HMCN1: variants seen among roughly 807,000 people sequenced by gnomAD.
HMCN1 encodes the protein hemicentin-1.
Under a neutral mutation model 625.9 loss-of-function variants are expected in HMCN1, and 321 were observed. The ratio of observed to expected loss-of-function variants is 0.51; its 90% confidence interval spans 0.47 to 0.56. HMCN1 has a LOEUF of 0.56. Ranked by LOEUF, HMCN1 falls within the 20% of genes least tolerant of loss-of-function variation. The probability of loss-of-function intolerance (pLI) is 0.00; values close to 1 mark genes in which losing one functional copy is unlikely to be tolerated. For synonymous variants in HMCN1, 2,425 were observed against 2,417.6 expected, an observed-to-expected ratio of 1.00 and a Z score of -0.09; for missense variants, 6,588 against 6,887.3, an observed-to-expected ratio of 0.96 and a Z score of 1.54.
rs768400571 is a variant in HMCN1 at position 186,182,287 on chromosome 1, G to C, written c.16414G>C (p.Asp5472His). The change falls in exon 105 of 107, where the codon GAT becomes CAT. Residue 5472 changes from aspartate to histidine, a missense_variant and splice_region_variant. Around this residue, in one of 3 missense-constraint regions of HMCN1, gnomAD observed 1,954 missense variants for 2,013.1 expected, o/e 0.97. Coordinates refer to ENST00000271588, the MANE Select transcript of HMCN1 (RefSeq NM_031935.3). ...QLTHNGKTCQDIDECLEQNVH... is the reference protein window; with the variant it reads ...QLTHNGKTCQHIDECLEQNVH... ...CACACACAATGGAAAGACATGCCAA[G>C]GTGAGAAAACATTGGGATGTTTATT... The C allele has an allele frequency of 1.4e-5, 22 of 1,613,104 alleles. No homozygotes were observed. Among genetic ancestry groups the C allele is most frequent in the Non-Finnish European group, 1.8e-5 (21 of 1,179,356 alleles).
intron 11 of HMCN1, among the ~76,000 whole-genome samples, chr1:185,948,986 C>T (rs1353453948): frequency 8.6e-5 from 13 of 151,614 alleles, no homozygotes; most frequent in Admixed American, 3.9e-4. Flanking sequence ...GGCCTGGATA[C>T]GGTTTTGGAT....
chr1:186,015,299 A>T lies in HMCN1; in HGVS notation c.4771A>T (p.Ser1591Cys). The change falls in exon 31 of 107, where the codon AGC becomes TGC. Residue 1591 changes from serine (S) to cysteine (C), a missense_variant. By Grantham distance (112) the Ser-to-Cys change is moderately radical (BLOSUM62 -1). Transcript: ENST00000271588. ...TAAGGACGGGCAGCCAATCATGTCCAGCTCACAAGCACTTTATATTGATAA... is the reference window on the plus strand; with the variant it reads ...TAAGGACGGGCAGCCAATCATGTCCTGCTCACAAGCACTTTATATTGATAA... ...WYKDGQPIMSSSQALYIDKGQ... is the reference protein window; with the variant it reads ...WYKDGQPIMSCSQALYIDKGQ... The T allele has an allele frequency of 6.2e-7, 1 of 1,613,818 alleles. No individual in the cohort carries two copies. The highest frequency in any genetic ancestry group is 8.5e-7 in the Non-Finnish European group (1 of 1,179,810).
chr1:186,086,248 C>A lies in HMCN1; in HGVS notation c.8887C>A (p.Pro2963Thr), dbSNP rs963426838. The A allele has an allele frequency of 3.1e-6, 5 of 1,609,494 alleles. No individual in the cohort carries two copies. Among genetic ancestry groups the A allele is most frequent in the Non-Finnish European group, 3.4e-6 (4 of 1,176,242 alleles). ...TTTTAATATATTTACTATTATAGTT[C>A]CTCCAAGTGTCATTGGTCCTAAATC... ...KKYFNLNVHV[P>T]PSVIGPKSEN... Residue 2963 changes from proline (P) to threonine (T), a missense_variant and splice_region_variant, in exon 58 of 107, where the codon CCT becomes ACT. Coordinates refer to ENST00000271588, the MANE Select transcript of HMCN1 (RefSeq NM_031935.3).
intron 40 of HMCN1, among the ~76,000 whole-genome samples, chr1:186,041,345 C>G (rs1186809624): frequency 1.3e-5 from 2 of 152,070 alleles, no homozygotes; most frequent in Non-Finnish European, 1.5e-5. Flanking sequence ...GTAAAATGCA[C>G]ACATCCAGCA....
intron 97 of HMCN1, among the ~76,000 whole-genome samples, 157 bp from the exon 98 acceptor site, chr1:186,164,954 C>T (rs1158972810): frequency 6.6e-6 from 1 of 152,164 alleles, no homozygotes; most frequent in Non-Finnish European, 1.5e-5. Context: ...GGTTTAGAAA[C>T]AGGAAAAGTT....
At chr1:186,013,293 G>A (rs1434709563) in intron 30 of HMCN1, among the ~76,000 whole-genome samples, 1 of 151,998 alleles carries the variant, frequency 6.6e-6, no homozygotes, top group Non-Finnish European at 1.5e-5. Context: ...TTTGATTTTT[G>A]TCAACAATTA....
intron 6 of HMCN1, among the ~76,000 whole-genome samples, chr1:185,917,697 A>G (rs936846032): frequency 3.3e-5 from 5 of 152,196 alleles, no homozygotes; most frequent in South Asian, 2.1e-4. Flanking sequence ...GGTGATGAAT[A>G]TGAAATAGTT....
chr1:185,911,818 T>C lies in HMCN1; in HGVS notation c.900+38T>C, dbSNP rs1350881281. On this transcript the variant is annotated intron_variant, in intron 6 of 106. Coordinates refer to ENST00000271588, the MANE Select transcript of HMCN1 (RefSeq NM_031935.3). ...CACAAAGTTTGTTTATTGTTTTATT[T>C]TGAAGTTGGCATTTTTCATGAAGTA... 3 of 1,457,336 alleles carry C rather than the reference T, an allele frequency of 2.1e-6. No individual in the cohort carries two copies. The Admixed American group carries it at 5.0e-5, about 24-fold the overall frequency. 90.3% of individuals were successfully genotyped at this position (1,457,336 alleles called of 1,614,324 possible).
intron 18 of HMCN1, among the ~76,000 whole-genome samples, chr1:185,983,918 C>CT (rs1651831989): frequency 6.6e-6 from 1 of 152,046 alleles, no homozygotes; most frequent in African/African-American, 2.4e-5. Flanking sequence ...CTATATCTTT[C>CT]TTTTTTTAGC....
chr1:186,153,098 G>C (rs1414923574), intron 96 of HMCN1, among the ~76,000 whole-genome samples: 1 of 152,186 alleles, frequency 6.6e-6, no homozygotes, highest in African/African-American at 2.4e-5. Flanking sequence ...TCAAATACTT[G>C]ATGTAAGGCA....
intron 1 of HMCN1, among the ~76,000 whole-genome samples, chr1:185,792,688 G>A (rs1658086293): frequency 1.3e-5 from 2 of 152,242 alleles, no homozygotes; most frequent in South Asian, 2.1e-4. Flanking sequence ...TGACAGAATG[G>A]TTCCTACTGA....
Position 185,734,826 on chromosome 1 carries a change from T to A in HMCN1, c.47T>A (p.Leu16His). The change falls in exon 1 of 107, where the codon CTT (leucine) becomes CAT (histidine). Residue 16 changes from leucine to histidine, a missense_variant. By Grantham distance (99) the Leu-to-His change is moderately conservative. Transcript: ENST00000271588. ...VVHTVFLFALLYSSLAQDASP... is the reference protein window; with the variant it reads ...VVHTVFLFALHYSSLAQDASP... ...CATACAGTATTCCTGTTTGCTCTTCTTTATTCTTCCCTAGCTCAAGATGCG... is the reference window on the plus strand; with the variant it reads ...CATACAGTATTCCTGTTTGCTCTTCATTATTCTTCCCTAGCTCAAGATGCG... The A allele has an allele frequency of 6.2e-7, 1 of 1,614,094 alleles. No homozygotes were observed. The highest frequency in any genetic ancestry group is 8.5e-7 in the Non-Finnish European group (1 of 1,179,964).
At chr1:186,113,332 C>A (rs1278437108) in intron 72 of HMCN1, among the ~76,000 whole-genome samples, 1 of 152,130 alleles carries the variant, frequency 6.6e-6, no homozygotes, top group Non-Finnish European at 1.5e-5. Context: ...CAGAGACTGT[C>A]ATAGGACTGT....
rs1553266887 is a variant in HMCN1, at chr1:185,968,480, T to TGATA, written c.2213-1855_2213-1854insGATA. Among the ~76,000 whole-genome samples, 392 of 149,320 alleles carry TGATA rather than the reference T, an allele frequency of 2.6e-3. 4 individuals are homozygous for TGATA. The highest frequency in any genetic ancestry group is 9.2e-3 in the African/African-American group (377 of 40,976). On this transcript the variant is annotated intron_variant, in intron 14 of 106. Transcript: ENST00000271588. Reference sequence around the variant, plus strand: ...TAATTTCTCAGTTTTATTTCTAAAATTATATATATATATATAAATTACAAA... The same window carrying TGATA: ...TAATTTCTCAGTTTTATTTCTAAAATGATATATATATATATATATAAATTACAAA...
chr1:186,158,058 C>T (rs1395819301), intron 97 of HMCN1, among the ~76,000 whole-genome samples: 6 of 148,724 alleles, frequency 4.0e-5, no homozygotes, highest in African/African-American at 1.5e-4. Flanking sequence ...GTCCCACCAA[C>T]AGTGTAAAAG....
intron 25 of HMCN1, among the ~76,000 whole-genome samples, chr1:185,998,622 C>T (rs2102057023): frequency 6.6e-6 from 1 of 152,184 alleles, no homozygotes; most frequent in African/African-American, 2.4e-5. Context: ...TCCTGACTCC[C>T]AAGCTAATTT....
At chr1:186,122,512 G>T (rs1175604182) in intron 80 of HMCN1, among the ~76,000 whole-genome samples, 1 of 152,134 alleles carries the variant, frequency 6.6e-6, no homozygotes, top group Non-Finnish European at 1.5e-5. Context: ...TGTAGCCACT[G>T]TATATGTGTA....
chr1:186,000,591 G>GTA lies in HMCN1; in HGVS notation c.4069+354_4069+355dup, dbSNP rs1491275172. On this transcript the variant is annotated intron_variant, in intron 26 of 106. Transcript: ENST00000271588. The stretch of plus-strand genomic sequence containing the variant: ...TGTGTGTGTGTGTGTGTGTGTGTGT[G>GTA]TATGTATGTGTCTTCCCGGAGATAT... Among the ~76,000 whole-genome samples the GTA allele has an allele frequency of 7.5e-5, 11 of 146,116 alleles. No homozygotes were observed. In the South Asian group the frequency reaches 2.1e-3, roughly 28 times the overall value.
In HMCN1 at chr1:185,939,364, G is replaced by A. The variant is rs1351208430; in HGVS notation, c.1828+5540G>A. On this transcript the variant is annotated intron_variant, in intron 11 of 106. Transcript: ENST00000271588. ...CCCAGGAAAGGAATCCCCTCAAGCA[G>A]GGTTTACCACAAGACTCAGAAGTCC... Among the ~76,000 whole-genome samples, 5 of 152,178 alleles carry A rather than the reference G, an allele frequency of 3.3e-5. 1 individual carries two copies. The highest frequency in any genetic ancestry group is 6.5e-5 in the Admixed American group (1 of 15,278).
Sources: gnomAD v4.1 joint callset for allele counts (sites outside exome capture counted in the v4.1 genomes callset) on GRCh38, gnomAD v4.1.1 for gene constraint, gnomAD v4.1.1 regional missense constraint, MANE v1.5 for transcripts, NCBI Gene and HGNC (gene_info 2026-07-23, HGNC 2026-07-21) for gene names.